Variants in TENM3 observed in about 807,000 individuals in gnomAD.
TENM3 encodes teneurin transmembrane protein 3, also known as teneurin-3.
Under a neutral mutation model 255.1 loss-of-function variants are expected in TENM3, and 63 were observed. The ratio of observed to expected loss-of-function variants is 0.25; its 90% CI spans 0.20 to 0.30. TENM3 has a LOEUF of 0.30. Among genes scored for constraint, TENM3 ranks in the 10% least tolerant of loss-of-function variants. The pLI is 1.00. For synonymous variants in TENM3, 1,306 were observed against 1,322.3 expected, an observed-to-expected ratio of 0.99 and a Z score of 0.27; for missense variants, 2,929 against 3,461.1, an observed-to-expected ratio of 0.85 and a Z score of 3.86.
the TENM3 span, among the ~76,000 whole-genome samples, chr4:181,591,665 C>T: frequency 1.5e-4 from 23 of 152,150 alleles, no homozygotes; most frequent in African/African-American, 4.6e-4. Context: ...TCATTTCAGC[C>T]GGGGCATTAC....
rs1351151187 is a variant in TENM3 at position 182,751,868 on chromosome 4, C to G, written c.3698C>G (p.Thr1233Arg). 1.2e-6 allele frequency: 2 copies of G among 1,613,768 alleles called. No individual in the cohort carries two copies. Among genetic ancestry groups the G allele is most frequent in the South Asian group, 2.2e-5 (2 of 91,074 alleles). ...ACGGGAGATCTGTACGTTTCTGACA[C>G]AAACACCCGCAGAATTTATCGCCCA... is the stretch of plus-strand genomic sequence containing the variant. The part of the protein sequence containing the change: ...PVTGDLYVSD[T>R]NTRRIYRPKS... The change falls in exon 20 of 28, where the codon ACA becomes AGA. Residue 1233 changes from threonine (T) to arginine (R), a missense_variant. Physicochemically the swap from Thr to Arg is moderately conservative, Grantham distance 71. This residue lies in a region of TENM3 where 1,608 missense variants were observed against 1,884.4 expected (regional missense o/e 0.85). Coordinates refer to ENST00000511685, the MANE Select transcript of TENM3 (RefSeq NM_001080477.4).
At chr4:181,900,488 G>T in the TENM3 span, among the ~76,000 whole-genome samples, 4 of 152,058 alleles carry the variant, frequency 2.6e-5, no homozygotes, top group Non-Finnish European at 5.9e-5. Context: ...ACGTATATTT[G>T]TTGTTTGTTT....
chr4:182,234,609 G>A (rs879497056), intron 1 of TENM3, among the ~76,000 whole-genome samples: 39 of 152,072 alleles, frequency 2.6e-4, no homozygotes, highest in Admixed American at 3.3e-4. Context: ...GCAGGCCCCT[G>A]TAATCCCAGC....
At chr4:182,221,118 G>A (rs1755829158) in intron 1 of TENM3, among the ~76,000 whole-genome samples, 1 of 152,176 alleles carries the variant, frequency 6.6e-6, no homozygotes, top group African/African-American at 2.4e-5. Flanking sequence ...GCAGAAAAAT[G>A]TTAACATTTT....
chr4:181,753,221 G>T, the TENM3 span, among the ~76,000 whole-genome samples: 13 of 152,168 alleles, frequency 8.5e-5, no homozygotes, highest in Non-Finnish European at 1.3e-4. Flanking sequence ...TCTAGGTCAG[G>T]TGTTCTTCAC....
chr4:182,116,296 C>T, the TENM3 span, among the ~76,000 whole-genome samples: 1 of 152,050 alleles, frequency 6.6e-6, no homozygotes, highest in Non-Finnish European at 1.5e-5. Context: ...TAGTATGTAG[C>T]CTTTTCAGAC....
At chr4:182,577,015 C>CT (rs1744992470) in intron 3 of TENM3, among the ~76,000 whole-genome samples, 1 of 152,194 alleles carries the variant, frequency 6.6e-6, no homozygotes, top group Non-Finnish European at 1.5e-5. Context: ...CCCACACCCT[C>CT]TGTGTTCTAG....
chr4:181,888,591 C>CGTGTGCGTGTGTGT, the TENM3 span, among the ~76,000 whole-genome samples: 1 of 90,176 alleles, frequency 1.1e-5, no homozygotes, highest in Non-Finnish European at 2.0e-5. Flanking sequence ...TATATATATG[C>CGTGTGCGTGTGTGT]GTGTGTGTGT....
chr4:181,770,674 C>CAA, the TENM3 span, among the ~76,000 whole-genome samples: 137 of 76,480 alleles, frequency 1.8e-3, no homozygotes, highest in East Asian at 2.5e-3. Context: ...GACTCTGTCT[C>CAA]AAAAAAAAAA....
chr4:182,352,460 C>T (rs1765249098), intron 3 of TENM3, among the ~76,000 whole-genome samples: 1 of 152,128 alleles, frequency 6.6e-6, no homozygotes, highest in African/African-American at 2.4e-5. Context: ...TTAACTGATG[C>T]TCATCAGTTC....
At chr4:181,695,992 T>C in the TENM3 span, among the ~76,000 whole-genome samples, 53,187 of 151,754 alleles carry the variant, frequency 0.35, 10,733 homozygotes, top group African/African-American at 0.51. Flanking sequence ...CTTTACCATT[T>C]TGGAAATGTC....
the TENM3 span, among the ~76,000 whole-genome samples, chr4:181,620,324 C>T: frequency 1.3e-5 from 2 of 151,914 alleles, no homozygotes; most frequent in Non-Finnish European, 2.9e-5. Flanking sequence ...TTGGTGTACA[C>T]GGGGGATTGG....
chr4:182,538,984 G>C (rs541335360), intron 3 of TENM3, among the ~76,000 whole-genome samples: 2 of 152,002 alleles, frequency 1.3e-5, no homozygotes, highest in African/African-American at 4.8e-5. Context: ...TGGCTGAGTA[G>C]CTCAAGGGAA....
chr4:182,205,684 C>A (rs2149853977), intron 1 of TENM3, among the ~76,000 whole-genome samples: 1 of 152,368 alleles, frequency 6.6e-6, no homozygotes, highest in East Asian at 1.9e-4. Context: ...TAGACAACTC[C>A]ATGAACAGTT....
At chr4:182,394,315 G>GC (rs1192984079) in intron 3 of TENM3, among the ~76,000 whole-genome samples, 2 of 151,822 alleles carry the variant, frequency 1.3e-5, no homozygotes, top group Admixed American at 6.6e-5. Context: ...ATTCCTTCCT[G>GC]CCCCCCACCT....
the TENM3 span, among the ~76,000 whole-genome samples, chr4:182,078,711 A>T: frequency 6.6e-6 from 1 of 152,148 alleles, no homozygotes; most frequent in African/African-American, 2.4e-5. Context: ...ACATCCAAGT[A>T]ATAGAGCAGT....
chr4:182,040,774 T>G, the TENM3 span, among the ~76,000 whole-genome samples: 28 of 152,224 alleles, frequency 1.8e-4, no homozygotes, highest in African/African-American at 5.8e-4. Flanking sequence ...TTCTTACTCC[T>G]TCTCTTTGCC....
chr4:182,049,979 T>C, the TENM3 span, among the ~76,000 whole-genome samples: 1,353 of 141,104 alleles, frequency 9.6e-3, 15 homozygotes, highest in African/African-American at 0.031. Context: ...AAAAAATATG[T>C]ATTTTTTTTA....
chr4:182,194,942 A>C (rs1753747129), intron 1 of TENM3, among the ~76,000 whole-genome samples: 1 of 151,596 alleles, frequency 6.6e-6, no homozygotes, highest in East Asian at 1.9e-4. Flanking sequence ...TTACCATGGA[A>C]GTATTCAGAC....
Sources: allele counts gnomAD v4.1 joint callset (sites outside exome capture counted in the v4.1 genomes callset), GRCh38; gene constraint gnomAD v4.1.1; regional missense constraint gnomAD v4.1.1; transcripts MANE v1.5; gene names NCBI Gene and HGNC (gene_info 2026-07-23, HGNC 2026-07-21).